DMC1: variants seen among roughly 807,000 people sequenced by gnomAD.
DMC1 encodes meiotic recombination protein DMC1 homolog.
Under a neutral mutation model 50.1 loss-of-function variants are expected in DMC1, and 27 were observed. The ratio of observed to expected loss-of-function variants is 0.54; its 90% CI spans 0.40 to 0.74. The LOEUF is 0.74. Among genes scored for constraint, DMC1 ranks in the 30% least tolerant of loss-of-function variants. The probability of loss-of-function intolerance (pLI) is 0.00; values close to 1 mark genes in which losing one functional copy is unlikely to be tolerated. For synonymous variants in DMC1, 148 were observed against 136.1 expected (o/e 1.09, Z -0.61); for missense variants, 295 against 420.2 (o/e 0.70, Z 2.60).
rs1294871609 is a variant in DMC1, at chr22:38,519,785, CACAA to C, written c.*231_*234del. 5 of 475,128 alleles carry C rather than the reference CACAA, an allele frequency of 1.1e-5. No individual in the cohort carries two copies. The highest frequency in any genetic ancestry group is 4.1e-5 in the South Asian group (2 of 49,094). The allele number at this position is 475,128 out of a possible 1,614,324, so 29.4% of individuals were successfully genotyped here. A position where few individuals can be genotyped will look rare whatever the true frequency, so the allele number is the denominator to read the frequency against. On this transcript the variant is annotated 3_prime_UTR_variant, in exon 14 of 14. Transcript: ENST00000216024. ...CTACTATATATGTCAGGTATACACACACAAACACACACACACACAAACATACATA... is the reference window on the plus strand; with the variant it reads ...CTACTATATATGTCAGGTATACACACACACACACACACACAAACATACATA...
chr22:38,534,044 C>T (rs1323239511), intron 12 of DMC1, among the ~76,000 whole-genome samples: 1 of 152,054 alleles, frequency 6.6e-6, no homozygotes. Context: ...ACAAAAATGT[C>T]GGTGTCATAA....
chr22:38,520,066 G>C lies in DMC1; in HGVS notation c.977C>G (p.Ala326Gly). ...YDSPEMPENEATFAITAGGIG... is the reference protein window; with the variant it reads ...YDSPEMPENEGTFAITAGGIG... The stretch of plus-strand genomic sequence containing the variant: ...TCCTCCAGCAGTTATTGCGAAGGTG[G>C]CTTCATTTTCAGGCATCTCAGGACT... Residue 326 changes from alanine to glycine, a missense_variant, in exon 14 of 14, where the codon GCC becomes GGC. Physicochemically the swap from Ala to Gly is moderately conservative, Grantham distance 60. Transcript: ENST00000216024. 1 of 1,613,358 alleles carries C rather than the reference G, an allele frequency of 6.2e-7. No individual in the cohort carries two copies. Among genetic ancestry groups the C allele is most frequent in the South Asian group, 1.1e-5 (1 of 91,064 alleles).
downstream of DMC1, among the ~76,000 whole-genome samples, chr22:38,514,405 C>T (rs138427614): frequency 3.9e-3 from 597 of 151,792 alleles, 2 homozygotes; most frequent in African/African-American, 0.014. Context: ...ACATGACGCC[C>T]AGCTAATTTT....
chr22:38,541,945 C>T (rs6001149), intron 8 of DMC1, among the ~76,000 whole-genome samples: 13,181 of 150,372 alleles, frequency 0.088, 1,390 homozygotes, highest in African/African-American at 0.25. Context: ...ATCAACAGAA[C>T]GGACAAAAAA....
At chr22:38,556,330 G>T (rs950105926) in intron 5 of DMC1, among the ~76,000 whole-genome samples, 1 of 152,116 alleles carries the variant, frequency 6.6e-6, no homozygotes, top group Non-Finnish European at 1.5e-5. Context: ...TGAGGCTCAA[G>T]AGATCTGCCC....
intron 4 of DMC1, among the ~76,000 whole-genome samples, chr22:38,562,969 A>G (rs1460745683): frequency 6.6e-6 from 1 of 152,092 alleles, no homozygotes; most frequent in Admixed American, 6.6e-5. Flanking sequence ...GGATTTCACA[A>G]TGTTGGCCAG....
intron 8 of DMC1, among the ~76,000 whole-genome samples, chr22:38,548,336 G>A (rs528329936): frequency 2.6e-4 from 39 of 152,334 alleles, no homozygotes; most frequent in Non-Finnish European, 4.9e-4. Context: ...TCCTTTGGGA[G>A]GCCAAGGCAG....
At chr22:38,555,988 C>G (rs1363685574) in intron 5 of DMC1, among the ~76,000 whole-genome samples, 1 of 152,040 alleles carries the variant, frequency 6.6e-6, no homozygotes, top group South Asian at 2.1e-4. Flanking sequence ...CCTGCCACCA[C>G]GCCAGGCTAA....
At chr22:38,533,141 C>T (rs2090171503) in intron 12 of DMC1, among the ~76,000 whole-genome samples, 1 of 151,432 alleles carries the variant, frequency 6.6e-6, no homozygotes, top group East Asian at 1.9e-4. Flanking sequence ...GCCTGTAATC[C>T]CAGCACTTTG....
At position 38,562,273 on chromosome 22, in the gene DMC1, A is replaced by G. The variant is rs1164361792; in HGVS notation, c.326+14T>C. The G allele has an allele frequency of 2.6e-6, 4 of 1,556,202 alleles. No homozygotes were observed. Among genetic ancestry groups the G allele is most frequent in the African/African-American group, 2.7e-5 (2 of 73,686 alleles). On this transcript the variant is annotated intron_variant, in intron 5 of 13. Coordinates refer to ENST00000216024, the MANE Select transcript of DMC1 (RefSeq NM_007068.4). ...AGATTATGCTTAGTGATTATAAAAAAGTAAGATACATACTCAAATTCCTGG... is the reference window on the plus strand; with the variant it reads ...AGATTATGCTTAGTGATTATAAAAAGGTAAGATACATACTCAAATTCCTGG...
Position 38,566,737 on chromosome 22 carries a change from C to A in DMC1, c.97-1G>T. ...TCAGTTTCTTAATGTCAGCCACGTT[C>A]TGTAAATTAAAGAATGGGCACAGCA... On this transcript the variant is annotated splice_acceptor_variant, in intron 3 of 13. Coordinates refer to ENST00000216024, the MANE Select transcript of DMC1 (RefSeq NM_007068.4). LOFTEE classifies it high-confidence loss of function. 1 of 1,613,732 alleles carries A rather than the reference C, an allele frequency of 6.2e-7. No homozygotes were observed. Among genetic ancestry groups the A allele is most frequent in the Non-Finnish European group, 8.5e-7 (1 of 1,179,792 alleles).
At chr22:38,534,879 G>A (rs1311662529) in intron 12 of DMC1, among the ~76,000 whole-genome samples, 2 of 151,478 alleles carry the variant, frequency 1.3e-5, no homozygotes, top group Non-Finnish European at 2.9e-5. Flanking sequence ...GTTGGCAGGT[G>A]CCTGTAATCC....
chr22:38,536,486 T>A lies in DMC1; in HGVS notation c.836+1106A>T, dbSNP rs543459456. ...CGTCTTTCAGAGTCATCAATAGTTA[T>A]GTGCACAAACACTTCAACAAATTCT... On this transcript the variant is annotated intron_variant, in intron 12 of 13. Coordinates refer to ENST00000216024, the MANE Select transcript of DMC1 (RefSeq NM_007068.4). Among the ~76,000 whole-genome samples the A allele has an allele frequency of 6.1e-4, 93 of 152,346 alleles. 3 individuals are homozygous for A. In the South Asian group the frequency reaches 0.019, roughly 31 times the overall value.
intron 8 of DMC1, among the ~76,000 whole-genome samples, chr22:38,547,219 A>C (rs1035840806): frequency 1.3e-5 from 2 of 151,960 alleles, no homozygotes; most frequent in Admixed American, 6.6e-5. Flanking sequence ...TTTCGTAGAG[A>C]CACTATGTTG....
intron 11 of DMC1, 94 bp from the exon 12 acceptor site, chr22:38,537,746 T>C (rs1227879185): frequency 2.3e-6 from 2 of 871,492 alleles, no homozygotes; most frequent in African/African-American, 3.4e-5. Context: ...ACATATTGCA[T>C]CATGAATTTA....
chr22:38,525,176 G>C (rs964165317), intron 12 of DMC1, among the ~76,000 whole-genome samples: 1 of 152,106 alleles, frequency 6.6e-6, no homozygotes, highest in Non-Finnish European at 1.5e-5. Context: ...AAACTCCAGC[G>C]CCTGGAAAAG....
chr22:38,529,304 C>T (rs1361987287), intron 12 of DMC1, among the ~76,000 whole-genome samples: 5 of 152,250 alleles, frequency 3.3e-5, no homozygotes, highest in African/African-American at 7.2e-5. Flanking sequence ...CCACCGCACC[C>T]GGCCAATTTT....
chr22:38,536,822 C>T (rs933020355), intron 12 of DMC1, among the ~76,000 whole-genome samples: 1 of 151,948 alleles, frequency 6.6e-6, no homozygotes, highest in East Asian at 1.9e-4. Context: ...GTGATATTTA[C>T]AATTATGAAG....
intron 8 of DMC1, among the ~76,000 whole-genome samples, chr22:38,541,167 T>TA (rs2090276781): frequency 6.6e-6 from 1 of 152,124 alleles, no homozygotes; most frequent in Non-Finnish European, 1.5e-5. Flanking sequence ...AAGATAAGGG[T>TA]AATCACCCCA....
Sources: allele counts gnomAD v4.1 joint callset (sites outside exome capture counted in the v4.1 genomes callset), GRCh38; gene constraint gnomAD v4.1.1; transcripts MANE v1.5; gene names NCBI Gene and HGNC (gene_info 2026-07-23, HGNC 2026-07-21).